SEM1: variants seen among roughly 807,000 people sequenced by gnomAD.
SEM1 encodes SEM1 26S proteasome subunit.
A neutral mutation model predicts 12.7 loss-of-function variants in SEM1; 3 were observed. The ratio of observed to expected loss-of-function variants is 0.24; its 90% CI spans 0.11 to 0.61. The LOEUF is 0.61. Among genes scored for constraint, SEM1 ranks in the 20% least tolerant of loss-of-function variants. The pLI, the probability that SEM1 is intolerant of heterozygous loss-of-function variation, is 0.88. For synonymous variants in SEM1, 30 were observed against 27.8 expected (o/e 1.08, Z -0.25); for missense variants, 59 against 81.3 (o/e 0.73, Z 1.06).
chr7:96,615,504 C>T (rs1807689428), intron 2 of SEM1, among the ~76,000 whole-genome samples: 1 of 152,158 alleles, frequency 6.6e-6, no homozygotes, highest in Non-Finnish European at 1.5e-5. Flanking sequence ...ATCTGCCCGC[C>T]TCAGCCTCCC....
chr7:96,483,055 C>T (rs1298210281), exon 4 of SEM1: 2 of 152,106 alleles, frequency 1.3e-5, no homozygotes, highest in Non-Finnish European at 2.9e-5. Context: ...AATGGCATGG[C>T]TTTGTCCATT....
exon 3 of SEM1, chr7:96,673,848 A>T: frequency 1.3e-6 from 1 of 765,130 alleles, no homozygotes; most frequent in Non-Finnish European, 2.4e-6. Flanking sequence ...TATCATCAGG[A>T]GTACAGTTGC....
At chr7:96,545,476 C>T (rs977988639) in intron 2 of SEM1, among the ~76,000 whole-genome samples, 3 of 151,888 alleles carry the variant, frequency 2.0e-5, no homozygotes, top group African/African-American at 7.3e-5. Flanking sequence ...AAATTTAAGA[C>T]CAAGGAATTA....
chr7:96,498,596 T>C (rs147591350), upstream of SEM1, among the ~76,000 whole-genome samples: 1 of 152,302 alleles, frequency 6.6e-6, no homozygotes, highest in East Asian at 1.9e-4. Flanking sequence ...CAGAGCTTTT[T>C]TCTTGCTGTT....
rs534600242 is a variant in SEM1 at position 96,639,500 on chromosome 7, T to A, written c.171-16857A>T. 3.9e-5 allele frequency among the ~76,000 whole-genome samples: 6 copies of A among 152,000 alleles called. No individual in the cohort carries two copies. The South Asian group carries it at 1.2e-3, about 31-fold the overall frequency. On this transcript the variant is annotated intron_variant, in intron 2 of 2. Coordinates refer to the SEM1 transcript ENST00000417009. ...AGTGGAGAAAAGATAATCTTTTCAATACACCATGCTGAAACAACAGGACAT... is the reference window on the plus strand; with the variant it reads ...AGTGGAGAAAAGATAATCTTTTCAAAACACCATGCTGAAACAACAGGACAT...
intron 2 of SEM1, among the ~76,000 whole-genome samples, chr7:96,554,163 T>G (rs921476425): frequency 6.7e-6 from 1 of 149,480 alleles, no homozygotes; most frequent in Admixed American, 6.7e-5. Context: ...TGACTTCCTC[T>G]TTTCCTCATT....
chr7:96,616,187 A>G (rs188033429), intron 2 of SEM1, among the ~76,000 whole-genome samples: 157 of 152,064 alleles, frequency 1.0e-3, no homozygotes, highest in African/African-American at 3.7e-3. Context: ...TCTTTTCTTC[A>G]CATCCTTGCC....
intron 2 of SEM1, among the ~76,000 whole-genome samples, chr7:96,611,640 G>T (rs1807543869): frequency 6.6e-6 from 1 of 152,226 alleles, no homozygotes; most frequent in African/African-American, 2.4e-5. Context: ...AAGTCATAGA[G>T]ATGAGTTTGA....
intron 1 of SEM1, chr7:96,706,185 C>A (rs1790456132): frequency 6.6e-6 from 1 of 152,140 alleles, no homozygotes; most frequent in Admixed American, 6.5e-5. Flanking sequence ...AATTCACAGG[C>A]TATAGAATGG....
intron 2 of SEM1, among the ~76,000 whole-genome samples, chr7:96,544,427 T>C (rs910312639): frequency 2.6e-5 from 4 of 152,056 alleles, no homozygotes; most frequent in Non-Finnish European, 2.9e-5. Context: ...TAAAGCGCTA[T>C]AGAGAAATAA....
intron 2 of SEM1, among the ~76,000 whole-genome samples, chr7:96,522,730 C>T (rs1045203342): frequency 8.0e-6 from 1 of 125,204 alleles, no homozygotes; most frequent in South Asian, 3.0e-4. Flanking sequence ...ATACCCCCCC[C>T]CCAAAAAAAA....
intron 1 of SEM1, among the ~76,000 whole-genome samples, chr7:96,709,288 T>A (rs884716): frequency 0.71 from 108,325 of 152,112 alleles, 38,724 homozygotes; most frequent in East Asian, 0.87. Context: ...GCGTAACTAC[T>A]GACAATTCAA....
At chr7:96,491,197 T>TA (rs373655302) in intron 1 of SEM1, among the ~76,000 whole-genome samples, 154 of 152,204 alleles carry the variant, frequency 1.0e-3, no homozygotes, top group African/African-American at 3.2e-3. Context: ...TCCTTTTTGA[T>TA]AAAAAAAATT....
chr7:96,603,394 T>C (rs1331194708), intron 2 of SEM1, among the ~76,000 whole-genome samples: 2 of 152,166 alleles, frequency 1.3e-5, no homozygotes, highest in Non-Finnish European at 2.9e-5. Flanking sequence ...GATTGACTCA[T>C]GGAGTGGCAG....
intron 2 of SEM1, among the ~76,000 whole-genome samples, chr7:96,511,276 A>G (rs1287838218): frequency 2.0e-5 from 3 of 152,164 alleles, no homozygotes; most frequent in African/African-American, 7.2e-5. Flanking sequence ...GTTATTAATC[A>G]CCTGCTGAGT....
intron 2 of SEM1, among the ~76,000 whole-genome samples, chr7:96,584,803 T>C (rs1224037888): frequency 1.3e-5 from 2 of 152,218 alleles, no homozygotes; most frequent in Admixed American, 1.3e-4. Flanking sequence ...TCTCGAGCCT[T>C]GGTTTTCAGC....
chr7:96,616,959 G>A lies in SEM1; in HGVS notation c.170+77839C>T, dbSNP rs1314469816. Among the ~76,000 whole-genome samples the A allele has an allele frequency of 6.6e-5, 10 of 151,954 alleles. No individual in the cohort carries two copies. The East Asian group carries it at 1.9e-3, about 29-fold the overall frequency. On this transcript the variant is annotated intron_variant and NMD_transcript_variant, in intron 2 of 3. Coordinates refer to the SEM1 transcript ENST00000466986. ...CTTTGGTTACTATAGCCTTGTAGTAGAATTCGAAGTCAGGTAATGTAATGC... is the reference window on the plus strand; with the variant it reads ...CTTTGGTTACTATAGCCTTGTAGTAAAATTCGAAGTCAGGTAATGTAATGC...
At chr7:96,515,120 G>T (rs1253954424) in intron 2 of SEM1, among the ~76,000 whole-genome samples, 2 of 152,072 alleles carry the variant, frequency 1.3e-5, no homozygotes, top group African/African-American at 4.8e-5. Flanking sequence ...TGACAAAAGG[G>T]CAATGTCAAT....
chr7:96,570,392 G>A (rs1204970717), intron 2 of SEM1, among the ~76,000 whole-genome samples: 1 of 151,154 alleles, frequency 6.6e-6, no homozygotes, highest in East Asian at 2.0e-4. Flanking sequence ...TCCCCTCCCT[G>A]TGTCCATGTG....
Sources: allele counts gnomAD v4.1 joint callset (sites outside exome capture counted in the v4.1 genomes callset), GRCh38; gene constraint gnomAD v4.1.1; transcripts MANE v1.5; gene names NCBI Gene and HGNC (gene_info 2026-07-23, HGNC 2026-07-21).